RNLS: variants seen among roughly 807,000 people sequenced by gnomAD.
RNLS encodes renalase, FAD dependent amine oxidase, also known as renalase.
Under a neutral mutation model 39.8 loss-of-function variants are expected in RNLS, and 39 were observed. The ratio of observed to expected loss-of-function variants is 0.98; its 90% CI spans 0.76 to 1.28. The LOEUF is 1.28. RNLS is among the 50% of genes most tolerant of loss of function. The pLI is 0.00. For missense variants in RNLS, 410 were observed against 413.3 expected (o/e 0.99, Z 0.07); for synonymous variants, 147 against 150.7 (o/e 0.98, Z 0.18).
At chr10:88,277,067 G>T (rs149766994) in intron 6 of RNLS, among the ~76,000 whole-genome samples, 1,648 of 152,246 alleles carry the variant, frequency 0.011, 39 homozygotes, top group African/African-American at 0.038. Flanking sequence ...CAAAGACTTG[G>T]AACCAACCCA....
intron 4 of RNLS, among the ~76,000 whole-genome samples, chr10:88,398,786 T>C (rs542342775): frequency 1.3e-5 from 2 of 152,052 alleles, no homozygotes; most frequent in African/African-American, 4.8e-5. Context: ...AAAAGATAAA[T>C]TGGACTTCAT....
chr10:88,572,255 CCA>C (rs1221222883), intron 4 of RNLS, among the ~76,000 whole-genome samples: 1 of 129,942 alleles, frequency 7.7e-6, no homozygotes, highest in African/African-American at 3.2e-5. Flanking sequence ...ACTTTCCCCA[CCA>C]CATGTTTTAT....
intron 4 of RNLS, among the ~76,000 whole-genome samples, chr10:88,561,485 T>C (rs1849185461): frequency 6.6e-6 from 1 of 152,182 alleles, no homozygotes. Context: ...GGTGCTGATA[T>C]AATGGATTTC....
chr10:88,217,195 G>A, the RNLS span, among the ~76,000 whole-genome samples: 2 of 152,162 alleles, frequency 1.3e-5, no homozygotes, highest in African/African-American at 4.8e-5. Flanking sequence ...TATGACACTA[G>A]GAGATAACAC....
the RNLS span, among the ~76,000 whole-genome samples, chr10:88,218,946 C>G: frequency 6.6e-6 from 1 of 152,188 alleles, no homozygotes; most frequent in African/African-American, 2.4e-5. Flanking sequence ...CCCCACCTGT[C>G]ATTTACCTGC....
At chr10:88,172,842 G>GTTTTTTTTTTTTTTTTTTTTTTTTTT in the RNLS span, among the ~76,000 whole-genome samples, 12 of 43,776 alleles carry the variant, frequency 2.7e-4, 4 homozygotes, top group East Asian at 2.8e-3. Flanking sequence ...ATTTTGAGTT[G>GTTTTTTTTTTTTTTTTTTTTTTTTTT]TTTTTTTTTT....
At chr10:88,390,486 A>C (rs1365902102) in intron 4 of RNLS, among the ~76,000 whole-genome samples, 1 of 152,226 alleles carries the variant, frequency 6.6e-6, no homozygotes, top group Non-Finnish European at 1.5e-5. Context: ...TCAGTACTCA[A>C]ACTTCCTGAA....
chr10:88,481,361 C>G (rs1844159176), intron 4 of RNLS, among the ~76,000 whole-genome samples: 1 of 151,946 alleles, frequency 6.6e-6, no homozygotes. Context: ...GTTTTCTAAG[C>G]CTCTTGTGTT....
At chr10:88,539,865 C>G (rs1483317717) in intron 4 of RNLS, among the ~76,000 whole-genome samples, 1 of 151,930 alleles carries the variant, frequency 6.6e-6, no homozygotes, top group African/African-American at 2.4e-5. Context: ...TCTAATTTTT[C>G]AATATTCACC....
chr10:88,570,777 A>G (rs1449422297), intron 4 of RNLS, among the ~76,000 whole-genome samples: 2 of 152,150 alleles, frequency 1.3e-5, no homozygotes, highest in Admixed American at 6.5e-5. Context: ...GGCTTTTTAT[A>G]TAATTCTTGT....
chr10:88,523,520 G>A (rs188942643), intron 4 of RNLS, among the ~76,000 whole-genome samples: 6 of 152,154 alleles, frequency 3.9e-5, no homozygotes, highest in Admixed American at 2.6e-4. Flanking sequence ...GCAAGGGATC[G>A]CTTTACATCA....
chr10:88,523,013 C>G (rs1392594773), intron 4 of RNLS, among the ~76,000 whole-genome samples: 1 of 152,078 alleles, frequency 6.6e-6, no homozygotes, highest in Non-Finnish European at 1.5e-5. Flanking sequence ...TCTCTCTGGA[C>G]CTTCCTTAGC....
rs191620699 is a variant in RNLS, at chr10:88,505,257, A to G, written c.526+67646T>C. On this transcript the variant is annotated intron_variant, in intron 4 of 6. Coordinates refer to ENST00000331772, the MANE Select transcript of RNLS (RefSeq NM_001031709.3). The stretch of plus-strand genomic sequence containing the variant: ...TGGCATCATCTGAAAAGGACACAGG[A>G]GAGGTTCTCAATTAAAAAAAAAAAG... Among the ~76,000 whole-genome samples the G allele has an allele frequency of 7.2e-4, 110 of 151,912 alleles. 1 individual carries two copies. In the East Asian group the frequency reaches 0.015, roughly 21 times the overall value.
intron 5 of RNLS, among the ~76,000 whole-genome samples, chr10:88,326,717 C>T (rs1173119977): frequency 2.0e-5 from 3 of 152,178 alleles, no homozygotes; most frequent in Non-Finnish European, 1.5e-5. Flanking sequence ...AGAGGGCCAC[C>T]ATCTTCTAGA....
the RNLS span, among the ~76,000 whole-genome samples, chr10:88,237,491 G>A: frequency 6.6e-6 from 1 of 152,150 alleles, no homozygotes; most frequent in African/African-American, 2.4e-5. Flanking sequence ...AAATGCTATA[G>A]CAGTGTTGTA....
the RNLS span, among the ~76,000 whole-genome samples, chr10:88,221,870 T>C: frequency 6.6e-6 from 1 of 152,142 alleles, no homozygotes; most frequent in Admixed American, 6.5e-5. Context: ...AGCCCAGTGT[T>C]CCAGCAGCAA....
the RNLS span, among the ~76,000 whole-genome samples, chr10:88,220,967 A>C: frequency 2.0e-5 from 3 of 152,166 alleles, no homozygotes; most frequent in African/African-American, 7.2e-5. Flanking sequence ...ATTGAGTTTG[A>C]GGTCGTCTAA....
chr10:88,354,593 C>G (rs561524614), intron 5 of RNLS, among the ~76,000 whole-genome samples: 9 of 152,202 alleles, frequency 5.9e-5, no homozygotes, highest in Non-Finnish European at 1.3e-4. Flanking sequence ...AGCTGTTAGT[C>G]TGATGGGCTT....
At chr10:88,388,414 A>G (rs1851995648) in intron 4 of RNLS, among the ~76,000 whole-genome samples, 1 of 152,218 alleles carries the variant, frequency 6.6e-6, no homozygotes, top group South Asian at 2.1e-4. Flanking sequence ...TGCTTAAAAC[A>G]TGCCTGAGAA....
Sources: gnomAD v4.1 joint callset for allele counts (sites outside exome capture counted in the v4.1 genomes callset) on GRCh38, gnomAD v4.1.1 for gene constraint, MANE v1.5 for transcripts, NCBI Gene and HGNC (gene_info 2026-07-23, HGNC 2026-07-21) for gene names.